Variants in TRPM4 observed in about 807,000 individuals in gnomAD.
TRPM4 encodes transient receptor potential cation channel subfamily M member 4.
TRPM4 carries 124 observed loss-of-function variants against 135.6 expected under a neutral mutation model. That is an observed-to-expected ratio of 0.91 (90% CI 0.79 to 1.06). The LOEUF (loss-of-function observed/expected upper bound fraction) is 1.06, where lower values mean the gene tolerates loss of function less well. Ranked by LOEUF, TRPM4 falls within the 50% of genes least tolerant of loss-of-function variation. TRPM4 has a pLI of 0.00. For missense variants in TRPM4, 1,658 were observed against 1,671.4 expected (o/e 0.99, Z 0.14); for synonymous variants, 745 against 705.6 (o/e 1.06, Z -0.88).
rs1413701002 is a variant in TRPM4, at chr19:49,173,414, T to TACCCATCC, written c.1150+1308_1150+1315dup. On this transcript the variant is annotated intron_variant, in intron 9 of 24. Coordinates refer to ENST00000252826, the MANE Select transcript of TRPM4 (RefSeq NM_017636.4). ...CCCATCTTCCATCCATTTACCCATC[T>TACCCATCC]ACCCATCCATCTTTTCATTCATCCA... is the stretch of plus-strand genomic sequence containing the variant. 4.6e-5 allele frequency among the ~76,000 whole-genome samples: 7 copies of TACCCATCC among 152,304 alleles called. No individual in the cohort carries two copies. In the East Asian group the frequency reaches 1.3e-3, roughly 29 times the overall value.
At chr19:49,168,169 GC>G (rs1409463927) in intron 4 of TRPM4, 72 bp downstream of exon 4, 1 of 1,589,956 alleles carries the variant, frequency 6.3e-7, no homozygotes, top group Admixed American at 1.7e-5. Context: ...ACTGTGGGTG[GC>G]CTCCCCCGCC....
At position 49,200,329 on chromosome 19, in the gene TRPM4, G is replaced by T; in HGVS notation, c.2675G>T (p.Arg892Leu). 2 of 1,614,134 alleles carry T rather than the reference G, an allele frequency of 1.2e-6. No individual in the cohort carries two copies. Among genetic ancestry groups the T allele is most frequent in the Non-Finnish European group, 1.7e-6 (2 of 1,180,024 alleles). The part of the protein sequence containing the change: ...RLTPGLYHLG[R>L]TVLCIDFMVF... ...ACCCCGGGTTTGTACCACCTGGGCC[G>T]CACTGTCCTCTGCATCGACTTCATG... The change falls in exon 18 of 25, where the codon CGC (arginine) becomes CTC (leucine). Residue 892 changes from arginine (R) to leucine (L), a missense_variant. Physicochemically the swap from Arg to Leu is moderately radical, Grantham distance 102. Transcript: ENST00000252826.
chr19:49,165,203 A>G (rs1301056517), intron 2 of TRPM4, among the ~76,000 whole-genome samples: 1 of 152,102 alleles, frequency 6.6e-6, no homozygotes, highest in Admixed American at 6.5e-5. Context: ...TGGCACAGAG[A>G]GGAAGAAACA....
chr19:49,177,911 G>A (rs750134428), intron 9 of TRPM4, among the ~76,000 whole-genome samples: 8 of 152,196 alleles, frequency 5.3e-5, no homozygotes, highest in South Asian at 2.1e-4. Context: ...TTGGCATGAA[G>A]GGAGTGTTGG....
intron 20 of TRPM4, among the ~76,000 whole-genome samples, chr19:49,207,731 G>A (rs1184714350): frequency 6.6e-6 from 1 of 151,660 alleles, no homozygotes; most frequent in Non-Finnish European, 1.5e-5. Context: ...ATGAGGTCAG[G>A]AGATCGAGAC....
intron 9 of TRPM4, among the ~76,000 whole-genome samples, chr19:49,177,097 T>C (rs1469264133): frequency 1.3e-5 from 2 of 152,030 alleles, no homozygotes; most frequent in Non-Finnish European, 2.9e-5. Flanking sequence ...CAATATAAGG[T>C]AACTCTCAGT....
At position 49,211,621 on chromosome 19, in the gene TRPM4, TG is replaced by T; in HGVS notation, c.*126del. On this transcript the variant is annotated 3_prime_UTR_variant, in exon 25 of 25. Transcript: ENST00000252826. This position sits in a 1 kb window ranked among gnomAD's most constrained non-coding sequence, Gnocchi z 4.8. ...CCTTGAGGTGAGCCCCATGTCCATC[TG>T]GGCCACTGTCAGGACCACCTTTGGG... The T allele has an allele frequency of 7.8e-7, 1 of 1,283,594 alleles. No homozygotes were observed. 79.5% of individuals were successfully genotyped at this position (1,283,594 alleles called of 1,614,324 possible).
chr19:49,200,302 T>A lies in TRPM4; in HGVS notation c.2648T>A (p.Leu883Gln). ...TGTGGCATCTCCCCACACCCCAGGC[T>A]GACCCCGGGTTTGTACCACCTGGGC... Reference protein sequence around the residue: ...TCFLLGVGCRLTPGLYHLGRT... With the variant: ...TCFLLGVGCRQTPGLYHLGRT... The change falls in exon 18 of 25, where the codon CTG (leucine) becomes CAG (glutamine). Residue 883 changes from leucine (L) to glutamine (Q), a missense_variant and splice_region_variant. This residue lies in a region of TRPM4 where 1,412 missense variants were observed against 1,408.7 expected (regional missense o/e 1.00). Transcript: ENST00000252826. The A allele has an allele frequency of 6.2e-7, 1 of 1,614,170 alleles. No individual in the cohort carries two copies. Among genetic ancestry groups the A allele is most frequent in the Non-Finnish European group, 8.5e-7 (1 of 1,180,030 alleles).
Position 49,200,715 on chromosome 19 carries a change from T to C in TRPM4, c.2883T>C (p.Ser961=). The C allele has an allele frequency of 6.2e-7, 1 of 1,614,052 alleles. No individual in the cohort carries two copies. The highest frequency in any genetic ancestry group is 8.5e-7 in the Non-Finnish European group (1 of 1,179,990). Residue 961 remains serine (S), a synonymous_variant, in exon 19 of 25, where the codon AGT becomes AGC. Coordinates refer to ENST00000252826, the MANE Select transcript of TRPM4 (RefSeq NM_017636.4). The part of the protein sequence containing the change: ...LLRPRDSDFP[S]ILRRVFYRPY... ...GGCCACGGGACAGTGACTTCCCAAG[T>C]ATCCTGCGCCGCGTCTTCTACCGTC...
At chr19:49,188,792 G>A (rs1323352601) in intron 13 of TRPM4, 22 bp downstream of exon 13, 1 of 1,613,690 alleles carries the variant, frequency 6.2e-7, no homozygotes, top group South Asian at 1.1e-5. Flanking sequence ...ACGGTGCCTG[G>A]GAGCAGGGAC....
At position 49,210,991 on chromosome 19, in the gene TRPM4, C is replaced by T; in HGVS notation, c.3462-24C>T. ...GGGGTGGGTGGGCTGCGGGTGCCCC[C>T]GGTAAGAGGCCCTCCCTTCTCAGGG... On this transcript the variant is annotated intron_variant, in intron 22 of 24. Coordinates refer to ENST00000252826, the MANE Select transcript of TRPM4 (RefSeq NM_017636.4). This position sits in a 1 kb window ranked among gnomAD's most constrained non-coding sequence, Gnocchi z 4.1. 1.2e-6 allele frequency: 2 copies of T among 1,612,610 alleles called. No homozygotes were observed. The highest frequency in any genetic ancestry group is 1.7e-6 in the Non-Finnish European group (2 of 1,179,556).
intron 2 of TRPM4, among the ~76,000 whole-genome samples, chr19:49,161,313 G>GTC (rs1335925576): frequency 3.6e-5 from 5 of 138,374 alleles, no homozygotes; most frequent in South Asian, 4.8e-4. Context: ...TCTGTCTTCT[G>GTC]TCTCTCTCTC....
chr19:49,203,360 T>C (rs1488152771), intron 20 of TRPM4, among the ~76,000 whole-genome samples: 1 of 151,634 alleles, frequency 6.6e-6, no homozygotes, highest in South Asian at 2.1e-4. Flanking sequence ...TTTGTATTTT[T>C]AGTAGAGATG....
rs576041398 is a variant in TRPM4 at position 49,165,984 on chromosome 19, C to T, written c.93-57C>T. The T allele has an allele frequency of 1.7e-5, 26 of 1,519,796 alleles. No individual in the cohort carries two copies. In the African/African-American group the frequency reaches 2.7e-4, roughly 16 times the overall value. 94.1% of individuals were successfully genotyped at this position (1,519,796 alleles called of 1,614,324 possible). ...CTCTACAGGAGCATGAACACGCTGA[C>T]AGGGTGCTGGGGTCGGGGGGCAGCC... On this transcript the variant is annotated intron_variant, in intron 2 of 24. Coordinates refer to ENST00000252826, the MANE Select transcript of TRPM4 (RefSeq NM_017636.4).
chr19:49,206,485 G>A (rs1270454289), intron 20 of TRPM4, among the ~76,000 whole-genome samples: 2 of 150,376 alleles, frequency 1.3e-5, no homozygotes, highest in Non-Finnish European at 3.0e-5. Flanking sequence ...TGTTGCCCAG[G>A]CTGGAGTGCA....
At chr19:49,188,874 C>T (rs141243884) in intron 13 of TRPM4, 72 bp from the exon 14 acceptor site, 9 of 1,613,330 alleles carry the variant, frequency 5.6e-6, no homozygotes, top group Non-Finnish European at 7.6e-6. Context: ...CCTTAAATTC[C>T]CTTACCTCTC....
intron 2 of TRPM4, among the ~76,000 whole-genome samples, chr19:49,161,575 C>T (rs1966965708): frequency 1.3e-5 from 2 of 151,562 alleles, no homozygotes; most frequent in African/African-American, 4.8e-5. Flanking sequence ...GAGCCTCCCA[C>T]CTCACTCTGC....
At chr19:49,161,635 C>CTT (rs10695245) in intron 2 of TRPM4, among the ~76,000 whole-genome samples, 110,876 of 145,438 alleles carry the variant, frequency 0.76, 43,010 homozygotes, top group Non-Finnish European at 0.85. Flanking sequence ...CCGGCTACCT[C>CTT]TTTTTTTTTT....
intron 12 of TRPM4, among the ~76,000 whole-genome samples, chr19:49,187,813 T>G (rs1476030960): frequency 6.6e-6 from 1 of 152,116 alleles, no homozygotes; most frequent in Non-Finnish European, 1.5e-5. Context: ...TGGGGAGTGC[T>G]GATTGGTCAG....
Sources: gnomAD v4.1 joint callset for allele counts (sites outside exome capture counted in the v4.1 genomes callset) on GRCh38, gnomAD v4.1.1 for gene constraint, gnomAD v4.1.1 regional missense constraint, Gnocchi (gnomAD v3.1) non-coding constraint, MANE v1.5 for transcripts, NCBI Gene and HGNC (gene_info 2026-07-23, HGNC 2026-07-21) for gene names.